PMM1: variants seen among roughly 807,000 people sequenced by gnomAD.
The protein encoded by PMM1 is phosphomannomutase 1, also known as brain glucose-1,6-bisphosphatase.
Under a neutral mutation model 34.0 loss-of-function variants are expected in PMM1, and 25 were observed. That is an observed-to-expected ratio of 0.73 (90% CI 0.54 to 1.03). The LOEUF is 1.03. PMM1 is among the 50% of genes least tolerant of loss of function. PMM1 has a pLI of 0.00. For synonymous variants in PMM1, 134 were observed against 143.9 expected (o/e 0.93, Z 0.49); for missense variants, 321 against 350.1 (o/e 0.92, Z 0.66).
Position 41,584,347 on chromosome 22 carries a change from T to A in PMM1, c.308A>T (p.Glu103Val), listed in dbSNP as rs771973425. The A allele has an allele frequency of 3.7e-6, 6 of 1,613,846 alleles. No homozygotes were observed. The highest frequency in any genetic ancestry group is 1.3e-5 in the African/African-American group (1 of 74,848). ...GAAGTTGATCAAGTCCTGCAGCAGC[T>A]CCTCCCCCAGGTGGTTCTGGATGGT... is the stretch of plus-strand genomic sequence containing the variant. Reference protein sequence around the residue: ...KQTIQNHLGEELLQDLINFCL... With the variant: ...KQTIQNHLGEVLLQDLINFCL... Residue 103 changes from glutamate (E) to valine (V), a missense_variant, in exon 4 of 8, where the codon GAG becomes GTG. Transcript: ENST00000216259.
intron 2 of PMM1, 63 bp from the exon 3 acceptor site, chr22:41,584,666 G>T: frequency 8.1e-7 from 1 of 1,233,094 alleles, no homozygotes; most frequent in Non-Finnish European, 1.2e-6. Flanking sequence ...TGACCCCACG[G>T]GCAAGTAAAG....
intron 5 of PMM1, chr22:41,580,396 G>A (rs949380049): frequency 3.3e-5 from 5 of 152,252 alleles, no homozygotes; most frequent in African/African-American, 1.2e-4. Context: ...AAATACTTGA[G>A]AAGGCTCTGG....
chr22:41,583,764 T>C (rs1601492032), intron 5 of PMM1, among the ~76,000 whole-genome samples, 195 bp downstream of exon 5: 1 of 151,986 alleles, frequency 6.6e-6, no homozygotes, highest in African/African-American at 2.4e-5. Flanking sequence ...CTGGTGCTGG[T>C]CACCTAGGAA....
intron 5 of PMM1, 179 bp from the exon 6 acceptor site, chr22:41,579,060 G>A: frequency 1.7e-6 from 1 of 579,938 alleles, no homozygotes; most frequent in Non-Finnish European, 3.1e-6. Flanking sequence ...ACCTAGCCCT[G>A]GTGGCAGAGC....
Position 41,578,080 on chromosome 22 carries a change from T to A in PMM1, c.551-157A>T, listed in dbSNP as rs12166786. Among the ~76,000 whole-genome samples, 751 of 152,284 alleles carry A rather than the reference T, an allele frequency of 4.9e-3. 2 individuals are homozygous for A. Among genetic ancestry groups the A allele is most frequent in the African/African-American group, 0.017 (722 of 41,548 alleles). On this transcript the variant is annotated intron_variant, in intron 6 of 7. Transcript: ENST00000216259. ...AGACTTAGGATCCTCAAGGAAGTTA[T>A]GACACAGGTTGGAGAATGAACAAGA...
At position 41,577,874 on chromosome 22, in the gene PMM1, G is replaced by A; in HGVS notation, c.600C>T (p.Tyr200=). The stretch of plus-strand genomic sequence containing the variant: ...TGTCCTGGTCCAGGCTATCCAGGCA[G>A]TAGCGCTTGTCCCAGCCCTCGGGGA... ...DVFPEGWDKR[Y]CLDSLDQDSF... Residue 200 remains tyrosine, a synonymous_variant, in exon 7 of 8, where the codon TAC becomes TAT. Coordinates refer to ENST00000216259, the MANE Select transcript of PMM1 (RefSeq NM_002676.3). 6.2e-7 allele frequency: 1 copy of A among 1,613,534 alleles called. No individual in the cohort carries two copies.
intron 4 of PMM1, 51 bp from the exon 5 acceptor site, chr22:41,584,109 T>C: frequency 1.4e-6 from 2 of 1,458,172 alleles, no homozygotes; most frequent in East Asian, 2.3e-5. Flanking sequence ...CGGCCCTGAA[T>C]TCAAATCTAG....
intron 5 of PMM1, chr22:41,580,096 T>C (rs1440519717): frequency 6.6e-6 from 1 of 152,354 alleles, no homozygotes; most frequent in African/African-American, 2.4e-5. Context: ...TGTTTCCACA[T>C]GGCCGAGGCT....
At chr22:41,588,953 T>C (rs1389062846) in intron 1 of PMM1, 2 of 1,126,002 alleles carry the variant, frequency 1.8e-6, no homozygotes, top group South Asian at 1.3e-5. Context: ...GAGGGGGCTT[T>C]TGGGGACTCA....
rs1188276168 is a variant in PMM1 at position 41,577,432 on chromosome 22, G to T, written c.675C>A (p.Asn225Lys). ...FFGNETSPGGNDFEIFADPRT... is the reference protein window; with the variant it reads ...FFGNETSPGGKDFEIFADPRT... ...GGGGGTCGGCAAAGATCTCAAAGTCGTTCCCACCCTGCACACAGAGGATGG... is the reference window on the plus strand; with the variant it reads ...GGGGGTCGGCAAAGATCTCAAAGTCTTTCCCACCCTGCACACAGAGGATGG... Residue 225 changes from asparagine to lysine, a missense_variant, in exon 8 of 8, where the codon AAC becomes AAA. Asn to Lys is a moderately conservative substitution (Grantham distance 94, BLOSUM62 0). Coordinates refer to ENST00000216259, the MANE Select transcript of PMM1 (RefSeq NM_002676.3). The T allele has an allele frequency of 6.2e-7, 1 of 1,611,118 alleles. No individual in the cohort carries two copies. Among genetic ancestry groups the T allele is most frequent in the Non-Finnish European group, 8.5e-7 (1 of 1,179,764 alleles).
intron 5 of PMM1, chr22:41,580,792 G>A (rs902871625): frequency 2.0e-5 from 3 of 151,940 alleles, no homozygotes; most frequent in Non-Finnish European, 4.4e-5. Context: ...AGACCAGCCT[G>A]AACATGGCAA....
chr22:41,578,802 G>A lies in PMM1; in HGVS notation c.550+4C>T, dbSNP rs181773236. On this transcript the variant is annotated splice_donor_region_variant and intron_variant, in intron 6 of 7. Coordinates refer to ENST00000216259, the MANE Select transcript of PMM1 (RefSeq NM_002676.3). ...CTCCCAGGTCCTCTGCAGGGTGGAC[G>A]TACCTCGAGAGAACCTCAGCCCTTT... 216 of 1,613,092 alleles carry A rather than the reference G, an allele frequency of 1.3e-4. 2 individuals carry two copies. The highest frequency in any genetic ancestry group is 1.7e-4 in the Non-Finnish European group (201 of 1,179,148).
intron 6 of PMM1, 39 bp downstream of exon 6, chr22:41,578,767 T>C (rs780110240): frequency 1.3e-6 from 2 of 1,571,444 alleles, no homozygotes; most frequent in Admixed American, 3.3e-5. Flanking sequence ...GGAGGGGCCC[T>C]GTACCAGGCC....
intron 6 of PMM1, 129 bp downstream of exon 6, chr22:41,578,677 C>G (rs185805966): frequency 7.1e-6 from 5 of 699,568 alleles, no homozygotes; most frequent in Non-Finnish European, 1.2e-5. Flanking sequence ...GCTCAGCCAC[C>G]CTCTCTGCCC....
At chr22:41,586,054 C>G in intron 2 of PMM1, 22 bp downstream of exon 2, 1 of 1,567,146 alleles carries the variant, frequency 6.4e-7, no homozygotes, top group Non-Finnish European at 8.7e-7. Context: ...CCCACTCCCT[C>G]TACCCCCAGC....
intron 6 of PMM1, among the ~76,000 whole-genome samples, chr22:41,578,535 G>T (rs1397771829): frequency 5.3e-5 from 8 of 152,160 alleles, no homozygotes; most frequent in African/African-American, 9.7e-5. Flanking sequence ...GGGAAGGGGT[G>T]GGGGAGAGCA....
intron 1 of PMM1, chr22:41,586,439 C>A: frequency 3.4e-6 from 2 of 579,864 alleles, no homozygotes; most frequent in Admixed American, 4.3e-5. Context: ...GCCTAGGCAG[C>A]AAAGGAAGAC....
At chr22:41,589,112 G>T in intron 1 of PMM1, 1 of 1,304,174 alleles carries the variant, frequency 7.7e-7, no homozygotes, top group Non-Finnish European at 1.0e-6. Flanking sequence ...CTCACATCCG[G>T]GTGGGTAGAG....
At chr22:41,588,407 G>C (rs886657511) in intron 1 of PMM1, among the ~76,000 whole-genome samples, 1 of 152,246 alleles carries the variant, frequency 6.6e-6, no homozygotes, top group Non-Finnish European at 1.5e-5. Flanking sequence ...TTTTAGTAGA[G>C]ATAGGGTTTC....
Sources: allele counts gnomAD v4.1 joint callset (sites outside exome capture counted in the v4.1 genomes callset), GRCh38; gene constraint gnomAD v4.1.1; transcripts MANE v1.5; gene names NCBI Gene and HGNC (gene_info 2026-07-23, HGNC 2026-07-21).